The following PPP3CA variants were observed in gnomAD, a reference collection of about 807,000 sequenced individuals.
PPP3CA encodes protein phosphatase 3 catalytic subunit alpha.
PPP3CA carries 14 observed loss-of-function variants against 66.5 expected under a neutral mutation model. That is an observed-to-expected ratio of 0.21 (90% CI 0.14 to 0.33). The LOEUF is 0.33. Among genes scored for constraint, PPP3CA ranks in the 10% least tolerant of loss-of-function variants. The probability of loss-of-function intolerance (pLI) is 1.00; values close to 1 mark genes in which losing one functional copy is unlikely to be tolerated. For missense variants in PPP3CA, 317 were observed against 639.5 expected (o/e 0.50, Z 5.44); for synonymous variants, 232 against 226.2 (o/e 1.03, Z -0.23).
At chr4:101,134,034 G>A (rs910421769) in intron 2 of PPP3CA, among the ~76,000 whole-genome samples, 4 of 152,152 alleles carry the variant, frequency 2.6e-5, no homozygotes, top group African/African-American at 9.7e-5. Context: ...GGGAAAACTG[G>A]CTAGCTATAT....
At chr4:101,043,502 T>G (rs561151779) in intron 10 of PPP3CA, among the ~76,000 whole-genome samples, 1 of 152,060 alleles carries the variant, frequency 6.6e-6, no homozygotes, top group South Asian at 2.1e-4. Flanking sequence ...TATGTATATG[T>G]AGTTGTGCTC....
chr4:101,235,335 T>C (rs1726091823), intron 1 of PPP3CA, among the ~76,000 whole-genome samples: 1 of 151,668 alleles, frequency 6.6e-6, no homozygotes. Context: ...TGCCCACTCT[T>C]CCTGCCAACT....
At chr4:101,102,446 A>C (rs1293975468) in intron 3 of PPP3CA, among the ~76,000 whole-genome samples, 1 of 152,172 alleles carries the variant, frequency 6.6e-6, no homozygotes, top group Admixed American at 6.5e-5. Context: ...TCTTCCCTGT[A>C]ACAAGAATAA....
intron 8 of PPP3CA, among the ~76,000 whole-genome samples, chr4:101,072,386 A>C (rs1430331004): frequency 3.3e-5 from 5 of 152,162 alleles, no homozygotes; most frequent in Non-Finnish European, 5.9e-5. Flanking sequence ...GTACAGACAG[A>C]GGTTAATATA....
chr4:101,215,781 T>G (rs548788673), intron 1 of PPP3CA, among the ~76,000 whole-genome samples: 13 of 152,244 alleles, frequency 8.5e-5, no homozygotes, highest in Admixed American at 2.0e-4. Flanking sequence ...AATATATTGC[T>G]GATATAATTG....
intron 1 of PPP3CA, among the ~76,000 whole-genome samples, chr4:101,231,956 C>T (rs1725976807): frequency 6.6e-6 from 1 of 151,568 alleles, no homozygotes. Flanking sequence ...TGAATATTAC[C>T]AGTAACTCAG....
chr4:101,120,307 C>T (rs554257375), intron 2 of PPP3CA, among the ~76,000 whole-genome samples: 1 of 151,940 alleles, frequency 6.6e-6, no homozygotes, highest in Admixed American at 6.6e-5. Context: ...CTGCATTATA[C>T]TGGGATAATA....
intron 1 of PPP3CA, among the ~76,000 whole-genome samples, chr4:101,196,761 A>T (rs983007987): frequency 1.3e-5 from 2 of 152,244 alleles, no homozygotes; most frequent in African/African-American, 4.8e-5. Context: ...AGGTATTTTT[A>T]AAAATGACAC....
chr4:101,187,899 C>A (rs1470616701), intron 2 of PPP3CA, among the ~76,000 whole-genome samples: 2 of 151,988 alleles, frequency 1.3e-5, no homozygotes, highest in African/African-American at 4.8e-5. Context: ...CATATTACTT[C>A]GAGAAAACGG....
At chr4:101,027,415 C>A (rs1726709919) in intron 13 of PPP3CA, among the ~76,000 whole-genome samples, 1 of 152,038 alleles carries the variant, frequency 6.6e-6, no homozygotes, top group Admixed American at 6.6e-5. Context: ...GTTTTTCCCC[C>A]CTCTGCATTT....
At chr4:101,269,966 T>C (rs1353338834) in intron 1 of PPP3CA, among the ~76,000 whole-genome samples, 4 of 152,130 alleles carry the variant, frequency 2.6e-5, no homozygotes, top group African/African-American at 9.7e-5. Context: ...AGCTGGCTGC[T>C]GAGGATTTCA....
chr4:101,328,652 G>A (rs990343423), intron 1 of PPP3CA, among the ~76,000 whole-genome samples: 16 of 152,158 alleles, frequency 1.1e-4, no homozygotes, highest in African/African-American at 3.9e-4. Context: ...AAGATTTATA[G>A]CAATTCTGTC....
At chr4:101,123,574 T>C (rs755025383) in intron 2 of PPP3CA, among the ~76,000 whole-genome samples, 1 of 152,182 alleles carries the variant, frequency 6.6e-6, no homozygotes, top group Non-Finnish European at 1.5e-5. Flanking sequence ...CTCACGCCTA[T>C]AATCCTAGCA....
intron 1 of PPP3CA, among the ~76,000 whole-genome samples, chr4:101,332,499 G>A (rs886566406): frequency 2.0e-5 from 3 of 152,184 alleles, no homozygotes; most frequent in Non-Finnish European, 2.9e-5. Context: ...TGCCTCCATG[G>A]AATGGTAGGG....
At chr4:101,181,464 T>A (rs997951932) in intron 2 of PPP3CA, among the ~76,000 whole-genome samples, 7 of 151,978 alleles carry the variant, frequency 4.6e-5, no homozygotes, top group African/African-American at 1.4e-4. Flanking sequence ...ACTTAGAATA[T>A]AAAGGGAAAA....
intron 2 of PPP3CA, among the ~76,000 whole-genome samples, chr4:101,173,768 A>C (rs1377095467): frequency 6.6e-6 from 1 of 152,180 alleles, no homozygotes; most frequent in African/African-American, 2.4e-5. Context: ...CATTAAGAAA[A>C]AAAAGAGCAT....
chr4:101,117,328 G>A (rs569076837), intron 2 of PPP3CA, among the ~76,000 whole-genome samples: 20 of 151,712 alleles, frequency 1.3e-4, no homozygotes, highest in African/African-American at 4.8e-4. Context: ...AAAGGCCCAA[G>A]CATATACAAT....
intron 1 of PPP3CA, among the ~76,000 whole-genome samples, chr4:101,237,312 G>A (rs1159696816): frequency 1.3e-5 from 2 of 151,836 alleles, no homozygotes; most frequent in Admixed American, 6.6e-5. Context: ...TAACATTATC[G>A]TTGTGTCCGC....
intron 9 of PPP3CA, among the ~76,000 whole-genome samples, chr4:101,062,087 T>A (rs1179675137): frequency 6.6e-6 from 1 of 152,040 alleles, no homozygotes; most frequent in Non-Finnish European, 1.5e-5. Context: ...TAATTTCTAA[T>A]AAATGTCCCA....
Sources: gnomAD v4.1 joint callset for allele counts (sites outside exome capture counted in the v4.1 genomes callset) on GRCh38, gnomAD v4.1.1 for gene constraint, MANE v1.5 for transcripts, NCBI Gene and HGNC (gene_info 2026-07-23, HGNC 2026-07-21) for gene names.